The following ZNF726 variants were observed in gnomAD, a reference collection of about 807,000 sequenced individuals.
ZNF726 encodes the protein zinc finger protein 92 pseudogene 3.
ZNF726 carries 15 observed loss-of-function variants against 11.6 expected under a neutral mutation model. The observed-to-expected ratio is 1.29, with a 90% confidence interval of 0.86 to 1.99. The LOEUF is 1.99. Ranked by LOEUF, ZNF726 falls within the 30% of genes most tolerant of loss-of-function variation. ZNF726 has a pLI of 0.00. For missense variants in ZNF726, 890 were observed against 725.6 expected (o/e 1.23, Z -2.60); for synonymous variants, 295 against 243.6 (o/e 1.21, Z -1.96).
chr19:23,922,094 C>A (rs1257795011), intron 3 of ZNF726, among the ~76,000 whole-genome samples: 1 of 152,304 alleles, frequency 6.6e-6, no homozygotes, highest in African/African-American at 2.4e-5. Flanking sequence ...CTTAAGTCTG[C>A]TGGGTTTGCA....
intron 3 of ZNF726, among the ~76,000 whole-genome samples, chr19:23,922,597 A>G (rs1313688588): frequency 6.6e-6 from 1 of 152,212 alleles, no homozygotes; most frequent in Non-Finnish European, 1.5e-5. Context: ...GTCTGTAGCC[A>G]AAAACAGTGG....
downstream of ZNF726, among the ~76,000 whole-genome samples, chr19:23,938,781 A>G (rs1219150724): frequency 1.3e-5 from 2 of 151,420 alleles, no homozygotes; most frequent in Non-Finnish European, 2.9e-5. Flanking sequence ...TAATTTTTGT[A>G]TTTTTAGTAG....
intron 1 of ZNF726, among the ~76,000 whole-genome samples, chr19:23,915,802 G>T (rs1310248918): frequency 6.6e-6 from 1 of 151,954 alleles, no homozygotes. Context: ...GGCAGGTCTC[G>T]ATCTCCTGAC....
chr19:23,924,341 G>A (rs923789651), intron 3 of ZNF726, among the ~76,000 whole-genome samples: 18 of 151,848 alleles, frequency 1.2e-4, no homozygotes, highest in East Asian at 7.7e-4. Context: ...GGCGTGAGCC[G>A]CCTTGCCTGG....
Position 23,933,015 on chromosome 19 carries a change from T to C in ZNF726, c.899T>C (p.Leu300Pro), listed in dbSNP as rs773393152. ...AAAGCATTTAGCCAACCCTCAGCAC[T>C]AACCATACATAAGAGGATGCACATT... Reference protein sequence around the residue: ...CGKAFSQPSALTIHKRMHIGE... With the variant: ...CGKAFSQPSAPTIHKRMHIGE... Residue 300 changes from leucine (L) to proline (P), a missense_variant, in exon 4 of 4, where the codon CTA (leucine) becomes CCA (proline). Coordinates refer to ENST00000594466, the MANE Select transcript of ZNF726 (RefSeq NM_001244038.2). The C allele has an allele frequency of 3.2e-5, 51 of 1,612,820 alleles. No homozygotes were observed. The highest frequency in any genetic ancestry group is 4.1e-5 in the Non-Finnish European group (48 of 1,179,882).
chr19:23,916,522 G>A (rs1345078354), intron 1 of ZNF726, among the ~76,000 whole-genome samples: 1 of 152,020 alleles, frequency 6.6e-6, no homozygotes, highest in African/African-American at 2.4e-5. Flanking sequence ...GTAGAGACGG[G>A]GTTTCACTAT....
At chr19:23,939,464 G>C (rs1419218191), downstream of ZNF726, among the ~76,000 whole-genome samples, 1 of 152,086 alleles carries the variant, frequency 6.6e-6, no homozygotes, top group Non-Finnish European at 1.5e-5. Context: ...ATCAGTATTT[G>C]GGTTTATTTC....
At chr19:23,927,526 C>T (rs1020076255) in intron 3 of ZNF726, among the ~76,000 whole-genome samples, 2 of 152,158 alleles carry the variant, frequency 1.3e-5, no homozygotes, top group African/African-American at 2.4e-5. Context: ...GGATCTTACT[C>T]TGTCACCCAG....
Position 23,932,957 on chromosome 19 carries a change from G to A in ZNF726, c.841G>A (p.Gly281Arg), listed in dbSNP as rs764351982. ...AACCATACATAAGAGGATACATACT[G>A]GAGAGAAACCCTGCAAATGTGAAGA... ...TLTIHKRIHT[G>R]EKPCKCEECG... is the part of the protein sequence containing the mutation. The change falls in exon 4 of 4, where the codon GGA (glycine) becomes AGA (arginine). Residue 281 changes from glycine to arginine, a missense_variant. Transcript: ENST00000594466. 7.4e-6 allele frequency: 12 copies of A among 1,611,886 alleles called. No individual in the cohort carries two copies. Among genetic ancestry groups the A allele is most frequent in the South Asian group, 1.1e-5 (1 of 90,960 alleles).
chr19:23,936,060 T>C (rs1968225424), downstream of ZNF726: 1 of 152,124 alleles, frequency 6.6e-6, no homozygotes, highest in South Asian at 2.1e-4. Flanking sequence ...CATCAGGGAG[T>C]TTATATTGAA....
At chr19:23,930,649 G>T (rs1474591229) in intron 3 of ZNF726, among the ~76,000 whole-genome samples, 2 of 151,810 alleles carry the variant, frequency 1.3e-5, no homozygotes, top group Admixed American at 6.6e-5. Flanking sequence ...TGTTGTGAAT[G>T]GTTTTCTAAT....
intron 1 of ZNF726, among the ~76,000 whole-genome samples, chr19:23,916,487 C>A (rs141882735): frequency 6.6e-6 from 1 of 152,084 alleles, no homozygotes; most frequent in Non-Finnish European, 1.5e-5. Flanking sequence ...CCTGGCACCA[C>A]GCCTGGCTAA....
chr19:23,932,791 A>T lies in ZNF726; in HGVS notation c.675A>T (p.Glu225Asp). 1 of 1,611,924 alleles carries T rather than the reference A, an allele frequency of 6.2e-7. No individual in the cohort carries two copies. Among genetic ancestry groups the T allele is most frequent in the Non-Finnish European group, 8.5e-7 (1 of 1,179,172 alleles). ...CTAATCATAAGAAAACTCATACTGA[A>T]GAAAAGCCCTACAAATGTGAAGAAT... ...TLTNHKKTHT[E>D]EKPYKCEEYG... Residue 225 changes from glutamate to aspartate, a missense_variant, in exon 4 of 4, where the codon GAA (glutamate) becomes GAT (aspartate). Coordinates refer to ENST00000594466, the MANE Select transcript of ZNF726 (RefSeq NM_001244038.2).
At chr19:23,927,080 C>A (rs945949237) in intron 3 of ZNF726, among the ~76,000 whole-genome samples, 4 of 151,918 alleles carry the variant, frequency 2.6e-5, no homozygotes, top group Admixed American at 6.6e-5. Flanking sequence ...CAGGTTCAAG[C>A]AATTCTCCTG....
intron 3 of ZNF726, among the ~76,000 whole-genome samples, chr19:23,930,568 GTA>G (rs1380731206): frequency 6.6e-6 from 1 of 151,936 alleles, no homozygotes; most frequent in African/African-American, 2.4e-5. Context: ...AGAATTATCT[GTA>G]TGTTTGTTTG....
chr19:23,914,946 A>G lies in ZNF726; in HGVS notation c.-49A>G. 1 of 1,612,722 alleles carries G rather than the reference A, an allele frequency of 6.2e-7. No individual in the cohort carries two copies. Among genetic ancestry groups the G allele is most frequent in the Non-Finnish European group, 8.5e-7 (1 of 1,179,756 alleles). ...TCACTACTCTGTGTCTTCTGCTTTT[A>G]GGGGCGCAGCCTCTGTGGCCCTGTG... is the stretch of plus-strand genomic sequence containing the variant. On this transcript the variant is annotated 5_prime_UTR_variant, in exon 1 of 4. Transcript: ENST00000594466.
intron 3 of ZNF726, among the ~76,000 whole-genome samples, chr19:23,921,694 GGAATGA>G (rs1349764566): frequency 6.6e-6 from 1 of 151,976 alleles, no homozygotes; most frequent in East Asian, 1.9e-4. Flanking sequence ...TTAAGTGTAT[GGAATGA>G]TAACTTATAA....
At chr19:23,925,104 A>G (rs931301253) in intron 3 of ZNF726, among the ~76,000 whole-genome samples, 8 of 152,270 alleles carry the variant, frequency 5.3e-5, no homozygotes, top group Middle Eastern at 3.4e-3. Flanking sequence ...AAATCGTAAC[A>G]TCCATCATTT....
At chr19:23,940,005 C>T (rs2145003319) in intron 3 of ZNF726, among the ~76,000 whole-genome samples, 1 of 151,770 alleles carries the variant, frequency 6.6e-6, no homozygotes, top group Admixed American at 6.6e-5. Context: ...GTTTCATTTG[C>T]CATGCAAAAC....
Sources: allele counts gnomAD v4.1 joint callset (sites outside exome capture counted in the v4.1 genomes callset), GRCh38; gene constraint gnomAD v4.1.1; transcripts MANE v1.5; gene names NCBI Gene and HGNC (gene_info 2026-07-23, HGNC 2026-07-21).